Variants in ATRNL1 observed in about 807,000 individuals in gnomAD.
ATRNL1 encodes the protein attractin like 1.
Under a neutral mutation model 182.7 loss-of-function variants are expected in ATRNL1, and 95 were observed. The ratio of observed to expected loss-of-function variants is 0.52; its 90% CI spans 0.44 to 0.62. The LOEUF is 0.62. Among genes scored for constraint, ATRNL1 ranks in the 20% least tolerant of loss-of-function variants. ATRNL1 has a pLI of 0.00. For synonymous variants in ATRNL1, 576 were observed against 568.3 expected (o/e 1.01, Z -0.19); for missense variants, 1,471 against 1,679.5 (o/e 0.88, Z 2.17).
chr10:115,884,254 G>T (rs1394351953), intron 28 of ATRNL1, among the ~76,000 whole-genome samples: 1 of 152,074 alleles, frequency 6.6e-6, no homozygotes, highest in Admixed American at 6.5e-5. Context: ...ACAGAATCCT[G>T]GCCTATTTTC....
At chr10:115,448,854 CCAACAA>C (rs3981286) in intron 21 of ATRNL1, among the ~76,000 whole-genome samples, 101 of 150,212 alleles carry the variant, frequency 6.7e-4, no homozygotes, top group East Asian at 5.9e-3. Flanking sequence ...AGCGTGCCAA[CCAACAA>C]CAACAACAAC....
intron 26 of ATRNL1, among the ~76,000 whole-genome samples, chr10:115,552,826 A>T (rs1219060860): frequency 2.0e-5 from 3 of 151,352 alleles, no homozygotes; most frequent in African/African-American, 7.2e-5. Flanking sequence ...TAAAAAGATG[A>T]AAACTTTCTT....
intron 27 of ATRNL1, among the ~76,000 whole-genome samples, chr10:115,753,346 C>T (rs112102208): frequency 6.6e-6 from 1 of 152,008 alleles, no homozygotes. Context: ...CCCCAACAGG[C>T]CCCAGTGTGT....
chr10:115,736,736 T>A (rs994276546), intron 27 of ATRNL1, among the ~76,000 whole-genome samples: 1 of 152,160 alleles, frequency 6.6e-6, no homozygotes, highest in African/African-American at 2.4e-5. Flanking sequence ...TCTGGAATAG[T>A]GCAGGAATCT....
At chr10:115,695,393 A>G (rs1555049474) in intron 26 of ATRNL1, among the ~76,000 whole-genome samples, 2 of 152,210 alleles carry the variant, frequency 1.3e-5, no homozygotes, top group Admixed American at 1.3e-4. Context: ...GTATTTATAA[A>G]TAATATTTCA....
At chr10:115,236,721 T>C (rs1850201399) in intron 9 of ATRNL1, among the ~76,000 whole-genome samples, 2 of 152,186 alleles carry the variant, frequency 1.3e-5, no homozygotes, top group Admixed American at 1.3e-4. Context: ...GGTACATTTG[T>C]TACAGTCAGT....
intron 27 of ATRNL1, among the ~76,000 whole-genome samples, chr10:115,729,063 GAAGAA>G (rs1947706551): frequency 6.6e-6 from 1 of 151,908 alleles, no homozygotes; most frequent in Non-Finnish European, 1.5e-5. Flanking sequence ...ATAGACTAAA[GAAGAA>G]AAGAAATAAA....
intron 28 of ATRNL1, among the ~76,000 whole-genome samples, chr10:115,908,716 G>T (rs1952576764): frequency 6.6e-6 from 1 of 152,154 alleles, no homozygotes; most frequent in African/African-American, 2.4e-5. Flanking sequence ...CTAAGCTGCT[G>T]CCCAGCACAC....
chr10:115,320,041 A>G (rs1032837050), intron 18 of ATRNL1, among the ~76,000 whole-genome samples: 5 of 151,924 alleles, frequency 3.3e-5, no homozygotes, highest in Admixed American at 6.6e-5. Flanking sequence ...TGCCTTTTCC[A>G]TTCCATATTT....
chr10:115,306,435 A>AT (rs1853736606), intron 17 of ATRNL1, among the ~76,000 whole-genome samples: 1 of 151,344 alleles, frequency 6.6e-6, no homozygotes, highest in African/African-American at 2.4e-5. Context: ...AGCTTTTAAG[A>AT]TTTTTTTCTT....
intron 28 of ATRNL1, among the ~76,000 whole-genome samples, chr10:115,883,969 A>T (rs530747054): frequency 2.0e-5 from 3 of 152,354 alleles, no homozygotes. Flanking sequence ...ATGGGACAGA[A>T]CCTAATGATT....
intron 27 of ATRNL1, among the ~76,000 whole-genome samples, chr10:115,732,622 G>C (rs1947832740): frequency 6.6e-6 from 1 of 151,804 alleles, no homozygotes; most frequent in Non-Finnish European, 1.5e-5. Context: ...TTACTATTGA[G>C]GAAACTGAGG....
intron 27 of ATRNL1, among the ~76,000 whole-genome samples, chr10:115,795,733 G>C (rs956548283): frequency 7.2e-5 from 11 of 152,128 alleles, no homozygotes; most frequent in African/African-American, 2.7e-4. Context: ...CAGATCTCTT[G>C]CAAACTCTAT....
intron 27 of ATRNL1, among the ~76,000 whole-genome samples, chr10:115,738,368 G>A (rs551537679): frequency 9.9e-5 from 15 of 151,744 alleles, no homozygotes; most frequent in East Asian, 5.8e-4. Flanking sequence ...TTGAACTCCC[G>A]ACCTCAGGTA....
intron 24 of ATRNL1, among the ~76,000 whole-genome samples, chr10:115,503,882 A>C (rs1849972438): frequency 6.6e-6 from 1 of 151,680 alleles, no homozygotes; most frequent in African/African-American, 2.4e-5. Context: ...TTACCAAAAA[A>C]CCCTTTTTAT....
At chr10:115,747,142 T>C (rs1016915682) in intron 27 of ATRNL1, among the ~76,000 whole-genome samples, 2 of 152,128 alleles carry the variant, frequency 1.3e-5, no homozygotes, top group African/African-American at 4.8e-5. Context: ...TTATCATAGA[T>C]AGAAAAGAAA....
chr10:115,396,777 C>T (rs1451774554), intron 20 of ATRNL1, among the ~76,000 whole-genome samples: 4 of 151,738 alleles, frequency 2.6e-5, no homozygotes, highest in Non-Finnish European at 5.9e-5. Context: ...TACAGTATTG[C>T]AGTAACATAT....
intron 28 of ATRNL1, among the ~76,000 whole-genome samples, chr10:115,937,567 C>T (rs559796130): frequency 2.0e-5 from 3 of 152,296 alleles, no homozygotes; most frequent in African/African-American, 4.8e-5. Context: ...TGCATATTGG[C>T]GAGGGTGGCC....
intron 21 of ATRNL1, among the ~76,000 whole-genome samples, chr10:115,451,998 A>G (rs144029150): frequency 6.6e-6 from 1 of 152,194 alleles, no homozygotes; most frequent in African/African-American, 2.4e-5. Flanking sequence ...TTAGCAAACC[A>G]ATGCAGGTAC....
Sources: gnomAD v4.1 joint callset for allele counts (sites outside exome capture counted in the v4.1 genomes callset) on GRCh38, gnomAD v4.1.1 for gene constraint, MANE v1.5 for transcripts, NCBI Gene and HGNC (gene_info 2026-07-23, HGNC 2026-07-21) for gene names.